The following RAP1A variants were observed in gnomAD, a reference collection of about 807,000 sequenced individuals.
RAP1A encodes ras-related protein Rap-1A.
In RAP1A, 6 loss-of-function variants were observed where a neutral mutation model predicts 26.4. The ratio of observed to expected loss-of-function variants is 0.23; its 90% CI spans 0.12 to 0.45. The LOEUF (loss-of-function observed/expected upper bound fraction) is 0.45. Among genes scored for constraint, RAP1A ranks in the 20% least tolerant of loss-of-function variants. The probability of loss-of-function intolerance (pLI) is 0.99; values close to 1 mark genes in which losing one functional copy is unlikely to be tolerated. For synonymous variants in RAP1A, 73 were observed against 79.4 expected (o/e 0.92, Z 0.43); for missense variants, 121 against 217.2 (o/e 0.56, Z 2.78).
intron 1 of RAP1A, among the ~76,000 whole-genome samples, chr1:111,581,353 G>C (rs1658254498): frequency 1.3e-5 from 2 of 152,092 alleles, no homozygotes; most frequent in African/African-American, 2.4e-5. Flanking sequence ...TCTCAACCGG[G>C]GACATTCAGT....
chr1:111,668,685 T>G (rs985842806), intron 1 of RAP1A, among the ~76,000 whole-genome samples: 5 of 152,254 alleles, frequency 3.3e-5, no homozygotes, highest in African/African-American at 1.2e-4. Flanking sequence ...AGCGAGGTTA[T>G]GAGAAGTTAC....
intron 1 of RAP1A, among the ~76,000 whole-genome samples, chr1:111,583,252 T>C (rs187577874): frequency 6.8e-6 from 1 of 147,704 alleles, no homozygotes; most frequent in Admixed American, 6.8e-5. Context: ...GGGCAAGAAG[T>C]CTACCCCTGA....
intron 1 of RAP1A, among the ~76,000 whole-genome samples, chr1:111,582,689 C>T (rs893929219): frequency 6.6e-6 from 1 of 152,112 alleles, no homozygotes; most frequent in Admixed American, 6.5e-5. Context: ...AACTGTAATG[C>T]CAGATAAATG....
intron 1 of RAP1A, among the ~76,000 whole-genome samples, chr1:111,581,451 T>C (rs1658257027): frequency 6.6e-6 from 1 of 152,128 alleles, no homozygotes; most frequent in Admixed American, 6.6e-5. Flanking sequence ...CTGCTAAATA[T>C]CCTTTAATGT....
At chr1:111,592,946 G>A (rs1658495447) in intron 1 of RAP1A, among the ~76,000 whole-genome samples, 1 of 152,180 alleles carries the variant, frequency 6.6e-6, no homozygotes, top group Non-Finnish European at 1.5e-5. Flanking sequence ...CACTTCCACA[G>A]AAGAGCTCTG....
chr1:111,547,214 ATGT>A (rs1426992295), intron 1 of RAP1A, among the ~76,000 whole-genome samples: 1 of 152,094 alleles, frequency 6.6e-6, no homozygotes, highest in Non-Finnish European at 1.5e-5. Flanking sequence ...ATTAAGTATA[ATGT>A]TAGCAGTGGG....
At chr1:111,636,370 T>G (rs575574177) in intron 1 of RAP1A, among the ~76,000 whole-genome samples, 1 of 152,248 alleles carries the variant, frequency 6.6e-6, no homozygotes, top group South Asian at 2.1e-4. Flanking sequence ...TTTATTTTAG[T>G]AGCAATTCAA....
chr1:111,649,177 C>T (rs187333533), intron 1 of RAP1A: 122 of 535,484 alleles, frequency 2.3e-4, no homozygotes, highest in African/African-American at 1.9e-3. Flanking sequence ...GCTCTCACGT[C>T]CTCGATGGTC....
At chr1:111,543,465 C>T (rs933972706) in intron 1 of RAP1A, among the ~76,000 whole-genome samples, 2 of 152,286 alleles carry the variant, frequency 1.3e-5, no homozygotes, top group South Asian at 2.1e-4. Flanking sequence ...ATAATTGGGT[C>T]ATATCACTCT....
At chr1:111,593,802 A>G (rs967948719) in intron 1 of RAP1A, among the ~76,000 whole-genome samples, 5 of 152,024 alleles carry the variant, frequency 3.3e-5, no homozygotes, top group African/African-American at 4.8e-5. Context: ...AAAAAAAACC[A>G]GAAAGAAAAT....
chr1:111,697,966 C>T (rs1661888504), intron 4 of RAP1A, among the ~76,000 whole-genome samples: 2 of 151,952 alleles, frequency 1.3e-5, no homozygotes, highest in Non-Finnish European at 2.9e-5. Flanking sequence ...TTTGAGCCTC[C>T]TTTTTCTAAT....
intron 2 of RAP1A, among the ~76,000 whole-genome samples, chr1:111,694,029 C>T (rs945893601): frequency 2.6e-5 from 4 of 151,930 alleles, no homozygotes; most frequent in Admixed American, 2.6e-4. Context: ...GCTGGGACTA[C>T]AGGTGCATGC....
chr1:111,616,647 A>C (rs1238238939), upstream of RAP1A, among the ~76,000 whole-genome samples: 1 of 152,116 alleles, frequency 6.6e-6, no homozygotes, highest in Non-Finnish European at 1.5e-5. Context: ...CTATCACTAT[A>C]ATCACTCCCT....
At chr1:111,616,386 GA>G (rs1196233685), upstream of RAP1A, among the ~76,000 whole-genome samples, 1 of 152,198 alleles carries the variant, frequency 6.6e-6, no homozygotes, top group Non-Finnish European at 1.5e-5. Flanking sequence ...GATGAGGACA[GA>G]AGCCCAAGGG....
chr1:111,620,369 C>T (rs1659154201), intron 1 of RAP1A, among the ~76,000 whole-genome samples: 1 of 152,250 alleles, frequency 6.6e-6, no homozygotes, highest in Admixed American at 6.5e-5. Flanking sequence ...CTGCCTTCCT[C>T]CTCTTGCATG....
intron 2 of RAP1A, among the ~76,000 whole-genome samples, chr1:111,694,501 G>A (rs186452563): frequency 1.1e-4 from 16 of 152,214 alleles, no homozygotes; most frequent in African/African-American, 3.1e-4. Context: ...TCTTAAAACC[G>A]TCTTCTGTAC....
intron 1 of RAP1A, among the ~76,000 whole-genome samples, chr1:111,578,826 C>G (rs74109812): frequency 0.043 from 6,493 of 152,276 alleles, 489 homozygotes; most frequent in African/African-American, 0.15. Flanking sequence ...AATTGCAAGT[C>G]TGGGCCACCT....
rs932490754 is a variant in RAP1A, at chr1:111,703,183, C to T, written c.184-153C>T. Reference sequence around the variant, plus strand: ...GTTTACTGTCATTGTTTCTAGTCACCTCAGTTGCTAGAAACTTGTGTTATG... The same window carrying T: ...GTTTACTGTCATTGTTTCTAGTCACTTCAGTTGCTAGAAACTTGTGTTATG... On this transcript the variant is annotated intron_variant, in intron 4 of 7. Coordinates refer to ENST00000369709, the MANE Select transcript of RAP1A (RefSeq NM_002884.4). 5.3e-5 allele frequency among the ~76,000 whole-genome samples: 8 copies of T among 152,154 alleles called. No individual in the cohort carries two copies. In the East Asian group the frequency reaches 1.5e-3, roughly 29 times the overall value.
chr1:111,620,774 C>T (rs952016775), intron 1 of RAP1A, among the ~76,000 whole-genome samples: 2 of 152,194 alleles, frequency 1.3e-5, no homozygotes, highest in Non-Finnish European at 2.9e-5. Context: ...ATCCTTCAAA[C>T]TAGCGGCTTG....
Sources: allele counts gnomAD v4.1 joint callset (sites outside exome capture counted in the v4.1 genomes callset), GRCh38; gene constraint gnomAD v4.1.1; transcripts MANE v1.5; gene names NCBI Gene and HGNC (gene_info 2026-07-23, HGNC 2026-07-21).